The following ABTB1 variants were observed in gnomAD, a reference collection of about 807,000 sequenced individuals.
ABTB1 encodes ankyrin repeat and BTB domain containing 1, also known as ankyrin repeat and BTB/POZ domain-containing protein 1.
In ABTB1, 45 loss-of-function variants were observed where a neutral mutation model predicts 57.1. The ratio of observed to expected loss-of-function variants is 0.79; its 90% CI spans 0.62 to 1.01. ABTB1 has a LOEUF of 1.01. ABTB1 is among the 50% of genes least tolerant of loss of function. The pLI, the probability that ABTB1 is intolerant of heterozygous loss-of-function variation, is 0.00. For missense variants in ABTB1, 630 were observed against 666.3 expected (o/e 0.95, Z 0.60); for synonymous variants, 302 against 275.4 (o/e 1.10, Z -0.95).
intron 8 of ABTB1, 59 bp from the exon 9 acceptor site, chr3:127,677,406 C>T (rs2075011169): frequency 1.3e-6 from 2 of 1,593,490 alleles, no homozygotes; most frequent in African/African-American, 1.3e-5. Flanking sequence ...CTTTTCTGAA[C>T]CTAGTCGTTC....
At position 127,677,807 on chromosome 3, in the gene ABTB1, T is replaced by G; in HGVS notation, c.993T>G (p.Thr331=). The change falls in exon 10 of 12, where the codon ACT becomes ACG. Residue 331 remains threonine (T), a synonymous_variant. Transcript: ENST00000232744. ...TLHGISPDVF[T]HVLYYMYSDH... is the part of the protein sequence containing the mutation. The stretch of plus-strand genomic sequence containing the variant: ...ATGGCATCTCACCCGACGTCTTCAC[T>G]CACGTGCTCTACTACATGTACAGCG... The G allele has an allele frequency of 6.2e-7, 1 of 1,612,546 alleles. No individual in the cohort carries two copies. The highest frequency in any genetic ancestry group is 8.5e-7 in the Non-Finnish European group (1 of 1,179,686).
At chr3:127,675,613 A>C in intron 3 of ABTB1, 1 of 275,734 alleles carries the variant, frequency 3.6e-6, no homozygotes, top group Non-Finnish European at 7.2e-6. Context: ...ATCGTTAGGT[A>C]GTGGGTTGAT....
intron 3 of ABTB1, 200 bp from the exon 4 acceptor site, chr3:127,675,770 G>C: frequency 1.5e-6 from 1 of 645,290 alleles, no homozygotes; most frequent in Admixed American, 2.9e-5. Context: ...GTATGTGCCT[G>C]TGTGAGTGCA....
chr3:127,680,116 G>A lies in ABTB1; in HGVS notation c.1161G>A (p.Val387=). 1 of 1,613,928 alleles carries A rather than the reference G, an allele frequency of 6.2e-7. No individual in the cohort carries two copies. The highest frequency in any genetic ancestry group is 8.5e-7 in the Non-Finnish European group (1 of 1,180,030). Residue 387 remains valine, a synonymous_variant, in exon 11 of 12, where the codon GTG becomes GTA. Transcript: ENST00000232744. The stretch of plus-strand genomic sequence containing the variant: ...ACACTGTGGTGGGTGTGTGGCGCGT[G>A]GCCAAGCTCTTCCGCCTGGCGCGGC... ...DEDTVVGVWR[V]AKLFRLARLE... is the part of the protein sequence containing the mutation.
Position 127,677,186 on chromosome 3 carries a change from C to A in ABTB1, c.662C>A (p.Thr221Lys). Residue 221 changes from threonine to lysine, a missense_variant, in exon 8 of 12, where the codon ACG becomes AAG. By Grantham distance (78) the Thr-to-Lys change is moderately conservative. Transcript: ENST00000232744. ...VSEFVASKPGTCVKVLTIEPP... is the reference protein window; with the variant it reads ...VSEFVASKPGKCVKVLTIEPP... ...CCTGTAGTGGCGTCTAAGCCAGGCA[C>A]GTGTGTGAAGGTGCTGACCATCGAG... 1.2e-6 allele frequency: 2 copies of A among 1,613,114 alleles called. No homozygotes were observed. The highest frequency in any genetic ancestry group is 2.2e-5 in the East Asian group (1 of 44,852).
At chr3:127,674,257 CCTGT>C (rs2107551748) in intron 1 of ABTB1, 130 bp from the exon 2 acceptor site, 1 of 1,181,140 alleles carries the variant, frequency 8.5e-7, no homozygotes, top group South Asian at 1.5e-5. Flanking sequence ...CTCTGGTCTG[CCTGT>C]CACCTGCCCT....
rs549551192 is a variant in ABTB1 at position 127,676,162 on chromosome 3, G to C, written c.320+48G>C. 6.2e-7 allele frequency: 1 copy of C among 1,608,720 alleles called. No homozygotes were observed. The highest frequency in any genetic ancestry group is 1.8e-4 in the Middle Eastern group (1 of 5,410). On this transcript the variant is annotated intron_variant, in intron 4 of 11. Coordinates refer to ENST00000232744, the MANE Select transcript of ABTB1 (RefSeq NM_172027.3). The surrounding 1 kb of genome is among the most constrained non-coding windows in gnomAD (Gnocchi z 5.4). The stretch of plus-strand genomic sequence containing the variant: ...TGCAGCATGGGGTGCGGTGGCCCTG[G>C]TGGGTGTGGCGAGTCTGCTCTGACT...
intron 1 of ABTB1, chr3:127,673,703 C>G (rs2074905933): frequency 6.6e-6 from 1 of 151,092 alleles, no homozygotes; most frequent in Non-Finnish European, 1.4e-5. Context: ...CTGGTGCTGA[C>G]TGACTGCTTC....
chr3:127,674,259 T>C, intron 1 of ABTB1, 132 bp from the exon 2 acceptor site: 1 of 1,211,208 alleles, frequency 8.3e-7, no homozygotes, highest in Admixed American at 2.1e-5. Flanking sequence ...CTGGTCTGCC[T>C]GTCACCTGCC....
chr3:127,677,023 T>C lies in ABTB1; in HGVS notation c.583T>C (p.Cys195Arg). Residue 195 changes from cysteine to arginine, a missense_variant, in exon 7 of 12, where the codon TGC becomes CGC. Transcript: ENST00000232744. ...TGACTGTGAGCGCCTGGCCAAGCAA[T>C]GCCAGCTGTGGGACCTGCTCAGCGA... ...VSDCERLAKQ[C>R]QLWDLLSDLE... The C allele has an allele frequency of 6.2e-7, 1 of 1,614,068 alleles. No individual in the cohort carries two copies. The highest frequency in any genetic ancestry group is 2.2e-5 in the East Asian group (1 of 44,884).
rs777723637 is a variant in ABTB1 at position 127,680,734 on chromosome 3, G to T, written c.*259G>T. 1.5e-6 allele frequency: 1 copy of T among 674,862 alleles called. No individual in the cohort carries two copies. The highest frequency in any genetic ancestry group is 2.6e-6 in the Non-Finnish European group (1 of 378,744). The allele number at this position is 674,862 out of a possible 1,614,324, so 41.8% of individuals were successfully genotyped here. ...GACACCACTCAGGGAAACCTGGGGT[G>T]GGGGTGGGCTTTGGTCTTAGCACTT... On this transcript the variant is annotated 3_prime_UTR_variant, in exon 12 of 12. Coordinates refer to ENST00000232744, the MANE Select transcript of ABTB1 (RefSeq NM_172027.3).
rs539050397 is a variant in ABTB1, at chr3:127,673,960, C to G, written c.57-431C>G. 68 of 242,386 alleles carry G rather than the reference C, an allele frequency of 2.8e-4. 1 individual carries two copies. Among genetic ancestry groups the G allele is most frequent in the South Asian group, 2.5e-3 (49 of 19,742 alleles). 15.0% of individuals were successfully genotyped at this position (242,386 alleles called of 1,614,324 possible). On this transcript the variant is annotated intron_variant, in intron 1 of 11. Coordinates refer to ENST00000232744, the MANE Select transcript of ABTB1 (RefSeq NM_172027.3). ...TGCTGTATCCCGCGACTCCTGCCTC[C>G]TAGAATTGTGTGCCCTCCACACCAT...
Position 127,679,231 on chromosome 3 carries a change from C to G in ABTB1, c.1030-754C>G, listed in dbSNP as rs180731506. ...ATCTTGGGCCAGTTACTTAACTGCT[C>G]TGTGCCTCTAGAACATGGGGATAGC... On this transcript the variant is annotated intron_variant, in intron 10 of 11. Coordinates refer to ENST00000232744, the MANE Select transcript of ABTB1 (RefSeq NM_172027.3). 532 of 280,728 alleles carry G rather than the reference C, an allele frequency of 1.9e-3. 9 individuals are homozygous for G. The highest frequency in any genetic ancestry group is 2.6e-3 in the Non-Finnish European group (365 of 139,330). 17.4% of individuals were successfully genotyped at this position (280,728 alleles called of 1,614,324 possible).
At chr3:127,678,307 A>AGT (rs1158417490) in intron 10 of ABTB1, 1 of 151,238 alleles carries the variant, frequency 6.6e-6, no homozygotes, top group South Asian at 1.4e-4. Flanking sequence ...AGAGAGAGAG[A>AGT]GTGTGTGTGT....
At chr3:127,677,324 G>T in intron 8 of ABTB1, 38 bp downstream of exon 8, 1 of 1,574,990 alleles carries the variant, frequency 6.3e-7, no homozygotes, top group Non-Finnish European at 8.7e-7. Flanking sequence ...GGCGTTTTGG[G>T]ATGGCAGGCC....
Position 127,676,975 on chromosome 3 carries a change from G to T in ABTB1, c.535G>T (p.Asp179Tyr). 1.2e-6 allele frequency: 2 copies of T among 1,613,634 alleles called. No individual in the cohort carries two copies. Among genetic ancestry groups the T allele is most frequent in the South Asian group, 2.2e-5 (2 of 91,014 alleles). The change falls in exon 7 of 12, where the codon GAC (aspartate) becomes TAC (tyrosine). Residue 179 changes from aspartate (D) to tyrosine (Y), a missense_variant. Transcript: ENST00000232744. This position sits in a 1 kb window ranked among gnomAD's most constrained non-coding sequence, Gnocchi z 5.4. ...CTCCCCACTGCCCCCAGGCCGCCTG[G>T]ACATTGGCGTAGAGCATGTGAGTGA... ...LLQYLYTGRL[D>Y]IGVEHVSDCE...
chr3:127,676,655 C>G lies in ABTB1; in HGVS notation c.526+74C>G. ...TGGACAGCAGTACACCTAGGTGTGG[C>G]TGGGCTGACCTTTCACCTCTAGACA... On this transcript the variant is annotated intron_variant, in intron 6 of 11. Transcript: ENST00000232744. The surrounding 1 kb of genome is among the most constrained non-coding windows in gnomAD (Gnocchi z 5.4). The G allele has an allele frequency of 2.5e-6, 4 of 1,571,600 alleles. No homozygotes were observed. The highest frequency in any genetic ancestry group is 3.5e-6 in the Non-Finnish European group (4 of 1,144,934).
chr3:127,674,348 A>G (rs1357412142), intron 1 of ABTB1, 43 bp from the exon 2 acceptor site: 2 of 1,582,148 alleles, frequency 1.3e-6, no homozygotes, highest in Non-Finnish European at 8.6e-7. Context: ...TTCTCAGACC[A>G]TGAACCCGTC....
At chr3:127,679,440 A>C (rs2075070319) in intron 10 of ABTB1, 1 of 443,098 alleles carries the variant, frequency 2.3e-6, no homozygotes, top group South Asian at 1.6e-5. Context: ...TATCCAGCAC[A>C]GGATGTATCT....
Sources: allele counts gnomAD v4.1 joint callset, GRCh38; gene constraint gnomAD v4.1.1; non-coding constraint Gnocchi (gnomAD v3.1); transcripts MANE v1.5; gene names NCBI Gene and HGNC (gene_info 2026-07-23, HGNC 2026-07-21).